HOXA3: variants seen among roughly 807,000 people sequenced by gnomAD.
The protein encoded by HOXA3 is homeobox protein Hox-A3.
A neutral mutation model predicts 30.3 loss-of-function variants in HOXA3; 8 were observed. That is an observed-to-expected ratio of 0.26 (90% CI 0.15 to 0.48). The LOEUF (loss-of-function observed/expected upper bound fraction) is 0.48. Among genes scored for constraint, HOXA3 ranks in the 20% least tolerant of loss-of-function variants. The probability of loss-of-function intolerance (pLI) is 0.99; values close to 1 mark genes in which losing one functional copy is unlikely to be tolerated. For missense variants in HOXA3, 653 were observed against 614.4 expected (o/e 1.06, Z -0.66); for synonymous variants, 323 against 273.1 (o/e 1.18, Z -1.80).
intron 2 of HOXA3, among the ~76,000 whole-genome samples, chr7:27,127,368 G>A (rs756968211): frequency 2.0e-5 from 3 of 152,142 alleles, no homozygotes; most frequent in Non-Finnish European, 4.4e-5. Flanking sequence ...AATCTGATTT[G>A]TAGGTATAGA....
At chr7:27,125,381 T>G (rs1583391231) in intron 3 of HOXA3, among the ~76,000 whole-genome samples, 1 of 152,184 alleles carries the variant, frequency 6.6e-6, no homozygotes, top group South Asian at 2.1e-4. Flanking sequence ...CCAGAGAAAG[T>G]AGGGCTGGCT....
intron 2 of HOXA3, chr7:27,130,336 C>G: frequency 1.8e-6 from 2 of 1,111,052 alleles, no homozygotes; most frequent in Non-Finnish European, 2.2e-6. Context: ...CAGGACGTGG[C>G]TCGCATGCAG....
chr7:27,130,851 TC>T, intron 2 of HOXA3: 8 of 866,450 alleles, frequency 9.2e-6, no homozygotes, highest in East Asian at 3.2e-5. Flanking sequence ...GCCCTTCCCC[TC>T]CCCCCGCTGT....
In HOXA3 at chr7:27,108,728, G is replaced by A. The variant is rs1784179749; in HGVS notation, c.527-8C>T. The A allele has an allele frequency of 6.3e-7, 1 of 1,584,408 alleles. No homozygotes were observed. The highest frequency in any genetic ancestry group is 8.6e-7 in the Non-Finnish European group (1 of 1,163,454). ...CGCCAGCGCAGCTTTCGCCTGCGAG[G>A]ACAGAGAGAGGAAGAGCGGCGTCAG... is the stretch of plus-strand genomic sequence containing the variant. On this transcript the variant is annotated splice_region_variant and splice_polypyrimidine_tract_variant and intron_variant, in intron 5 of 5. Coordinates refer to ENST00000612286, the MANE Select transcript of HOXA3 (RefSeq NM_153631.3). The surrounding 1 kb of genome is among the most constrained non-coding windows in gnomAD (Gnocchi z 5.0).
rs1784088473 is a variant in HOXA3 at position 27,107,697 on chromosome 7, T to C, written c.*218A>G. 3 of 452,764 alleles carry C rather than the reference T, an allele frequency of 6.6e-6. No individual in the cohort carries two copies. Among genetic ancestry groups the C allele is most frequent in the East Asian group, 6.6e-5 (2 of 30,528 alleles). 28.0% of individuals were successfully genotyped at this position (452,764 alleles called of 1,614,324 possible). ...CAGGAAGAGATAAATATCGCTATGA[T>C]ACAGCCATTCCAGCAACCAAGATTG... On this transcript the variant is annotated 3_prime_UTR_variant, in exon 6 of 6. Coordinates refer to ENST00000612286, the MANE Select transcript of HOXA3 (RefSeq NM_153631.3).
chr7:27,133,958 T>A (rs1562724666), intron 2 of HOXA3: 1 of 152,240 alleles, frequency 6.6e-6, no homozygotes, highest in East Asian at 1.9e-4. Context: ...GTCTATACAG[T>A]GTCTTTTAGA....
intron 2 of HOXA3, among the ~76,000 whole-genome samples, chr7:27,136,138 G>T (rs753040788): frequency 6.6e-6 from 1 of 152,172 alleles, no homozygotes; most frequent in African/African-American, 2.4e-5. Context: ...GTAAACTTTT[G>T]ACCCTCAACT....
chr7:27,139,280 A>G (rs1210244623), intron 2 of HOXA3, among the ~76,000 whole-genome samples: 1 of 152,232 alleles, frequency 6.6e-6, no homozygotes, highest in East Asian at 1.9e-4. Flanking sequence ...AAGAACATGC[A>G]GGCAAACAGG....
chr7:27,143,218 G>A, intron 1 of HOXA3: 2 of 1,610,320 alleles, frequency 1.2e-6, no homozygotes, highest in Non-Finnish European at 8.5e-7. Flanking sequence ...TGCCGGCGTC[G>A]GCCGAGGCGC....
At position 27,129,387 on chromosome 7, in the gene HOXA3, C is replaced by T. The variant is rs1063494; in HGVS notation, c.-389-2317G>A. On this transcript the variant is annotated intron_variant, in intron 2 of 5. Coordinates refer to ENST00000612286, the MANE Select transcript of HOXA3 (RefSeq NM_153631.3). ...GTTTGTGGTCTTTCTTCCACTTCAT[C>T]CTCCGGTTCTGAAACCAGATCTTGA... The T allele has an allele frequency of 5.6e-6, 9 of 1,614,114 alleles. No individual in the cohort carries two copies. The Middle Eastern group carries it at 4.9e-4, about 89-fold the overall frequency.
chr7:27,147,437 A>G (rs993976489), intron 1 of HOXA3: 2 of 1,614,038 alleles, frequency 1.2e-6, no homozygotes, highest in Non-Finnish European at 8.5e-7. Flanking sequence ...TCGGGAGAAA[A>G]GTGCAGGTAG....
intron 4 of HOXA3, among the ~76,000 whole-genome samples, chr7:27,112,645 T>G (rs57188061): frequency 1.2e-3 from 181 of 152,380 alleles, no homozygotes; most frequent in African/African-American, 4.2e-3. Context: ...TTCCTTTTCT[T>G]TTACTGAAAA....
At chr7:27,136,546 G>A (rs1157540583) in intron 2 of HOXA3, among the ~76,000 whole-genome samples, 1 of 152,170 alleles carries the variant, frequency 6.6e-6, no homozygotes, top group African/African-American at 2.4e-5. Context: ...CCAAGCGGGT[G>A]AATTGACTGT....
intron 1 of HOXA3, chr7:27,149,922 G>A (rs541303804): frequency 2.6e-5 from 4 of 152,162 alleles, no homozygotes; most frequent in Non-Finnish European, 5.9e-5. Context: ...ATTCCGCCAT[G>A]TCCCACATAG....
chr7:27,122,506 AAC>A (rs1298844078), intron 4 of HOXA3, 51 bp downstream of exon 4: 3 of 152,202 alleles, frequency 2.0e-5, no homozygotes, highest in Non-Finnish European at 4.4e-5. Flanking sequence ...AACTCCTCCC[AAC>A]CGCCCTGGTG....
At chr7:27,126,753 C>G (rs1253888545) in intron 3 of HOXA3, 133 bp downstream of exon 3, 1 of 152,200 alleles carries the variant, frequency 6.6e-6, no homozygotes, top group Non-Finnish European at 1.5e-5. Flanking sequence ...TCTCTCTTCC[C>G]TTTCTGGATG....
chr7:27,132,482 T>G (rs986420367), intron 2 of HOXA3, among the ~76,000 whole-genome samples: 1 of 152,188 alleles, frequency 6.6e-6, no homozygotes, highest in Admixed American at 6.5e-5. Flanking sequence ...GAAAAGAGGT[T>G]AAAAAGGGGA....
In HOXA3 at chr7:27,108,578, C is replaced by G. The variant is rs1784165132; in HGVS notation, c.669G>C (p.Glu223Asp). The change falls in exon 6 of 6, where the codon GAG becomes GAC. Residue 223 changes from glutamate to aspartate, a missense_variant. Glu to Asp is a conservative substitution (Grantham distance 45). Around this residue, in one of 3 missense-constraint regions of HOXA3, gnomAD observed 320 missense variants for 321.9 expected, o/e 0.99. Transcript: ENST00000612286. This position sits in a 1 kb window ranked among gnomAD's most constrained non-coding sequence, Gnocchi z 5.0. ...NRYLCRPRRV[E>D]MANLLNLTER... ...CAGTGAGGTTCAGCAGATTGGCCAT[C>G]TCCACCCGGCGCGGCCGGCACAGGT... is the stretch of plus-strand genomic sequence containing the variant. The G allele has an allele frequency of 3.7e-6, 6 of 1,614,084 alleles. No homozygotes were observed. The East Asian group carries it at 8.9e-5, about 24-fold the overall frequency.
In HOXA3 at chr7:27,152,504, A is replaced by G; in HGVS notation, c.-710T>C. The G allele has an allele frequency of 8.6e-7, 1 of 1,168,284 alleles. No homozygotes were observed. The highest frequency in any genetic ancestry group is 1.1e-6 in the Non-Finnish European group (1 of 931,594). 72.4% of individuals were successfully genotyped at this position (1,168,284 alleles called of 1,614,324 possible). A position where few individuals can be genotyped will look rare whatever the true frequency, so the allele number is the denominator to read the frequency against. On this transcript the variant is annotated 5_prime_UTR_variant, in exon 1 of 6. It removes an upstream start codon present in the reference 5' UTR. Coordinates refer to ENST00000612286, the MANE Select transcript of HOXA3 (RefSeq NM_153631.3). Reference sequence around the variant, plus strand: ...TGGCCGGGGCTTCCCTTCGCTCGCCATCTCCGGACAAAGCACAGCCGAGCC... The same window carrying G: ...TGGCCGGGGCTTCCCTTCGCTCGCCGTCTCCGGACAAAGCACAGCCGAGCC...
Sources: allele counts gnomAD v4.1 joint callset (sites outside exome capture counted in the v4.1 genomes callset), GRCh38; gene constraint gnomAD v4.1.1; regional missense constraint gnomAD v4.1.1; non-coding constraint Gnocchi (gnomAD v3.1); transcripts MANE v1.5; gene names NCBI Gene and HGNC (gene_info 2026-07-23, HGNC 2026-07-21).